Variants in RTTN observed in about 807,000 individuals in gnomAD.
RTTN encodes the protein rotatin.
In RTTN, 182 loss-of-function variants were observed where a neutral mutation model predicts 269.2. The observed-to-expected ratio is 0.68, with a 90% CI of 0.60 to 0.76. The LOEUF (loss-of-function observed/expected upper bound fraction) is 0.76, where lower values mean the gene tolerates loss of function less well. RTTN is among the 30% of genes least tolerant of loss of function. The pLI is 0.00. For missense variants in RTTN, 2,545 were observed against 2,608.6 expected (o/e 0.98, Z 0.53); for synonymous variants, 1,006 against 963.5 (o/e 1.04, Z -0.82).
intron 5 of RTTN, among the ~76,000 whole-genome samples, chr18:70,198,961 C>A (rs576727587): frequency 2.6e-5 from 4 of 151,970 alleles, no homozygotes; most frequent in Non-Finnish European, 5.9e-5. Flanking sequence ...CCAAGAGGGG[C>A]GGATCACTTG....
chr18:70,048,161 G>C lies in RTTN; in HGVS notation c.5351C>G (p.Ser1784Cys). The C allele has an allele frequency of 6.2e-7, 1 of 1,614,050 alleles. No individual in the cohort carries two copies. Among genetic ancestry groups the C allele is most frequent in the Non-Finnish European group, 8.5e-7 (1 of 1,179,946 alleles). The change falls in exon 40 of 49, where the codon TCT becomes TGT. Residue 1784 changes from serine to cysteine, a missense_variant. By Grantham distance (112) the Ser-to-Cys change is moderately radical. Transcript: ENST00000640769. ...AGTATACAGGGCAGGACACGTGGCA[G>C]ACAAGCCTGCACATGTGCAGAACAT... ...IDMFCTCAGLSATCPALYTAS... is the reference protein window; with the variant it reads ...IDMFCTCAGLCATCPALYTAS...
intron 14 of RTTN, among the ~76,000 whole-genome samples, chr18:70,153,237 T>G (rs1031071294): frequency 1.6e-5 from 2 of 128,902 alleles, no homozygotes; most frequent in Non-Finnish European, 3.1e-5. Context: ...TGTTGTAAAC[T>G]ATATATATAT....
Position 70,092,162 on chromosome 18 carries a change from G to C in RTTN, c.4091C>G (p.Thr1364Ser). 6.2e-7 allele frequency: 1 copy of C among 1,613,654 alleles called. No individual in the cohort carries two copies. Among genetic ancestry groups the C allele is most frequent in the Non-Finnish European group, 8.5e-7 (1 of 1,179,664 alleles). ...LGSHSEEHIP[T>S]QQGLAWLIPL... The stretch of plus-strand genomic sequence containing the variant: ...AATCAACCAAGCCAATCCTTGTTGA[G>C]TAGGAATATGTTCTTCACTATGACT... The change falls in exon 30 of 49, where the codon ACT becomes AGT. Residue 1364 changes from threonine to serine, a missense_variant. Thr to Ser is a moderately conservative substitution (Grantham distance 58). Coordinates refer to ENST00000640769, the MANE Select transcript of RTTN (RefSeq NM_173630.4).
rs371788455 is a variant in RTTN, at chr18:70,166,870, C to T, written c.1802+49G>A. The T allele has an allele frequency of 4.0e-5, 49 of 1,229,216 alleles. No homozygotes were observed. The African/African-American group carries it at 6.9e-4, about 17-fold the overall frequency. The allele number at this position is 1,229,216 out of a possible 1,614,324, so 76.1% of individuals were successfully genotyped here. A position where few individuals can be genotyped will look rare whatever the true frequency, so the allele number is the denominator to read the frequency against. ...TTCACTGTTTCTAAGTTTACACACACCCTAAGTGTCCAATAATAACGTAAT... is the reference window on the plus strand; with the variant it reads ...TTCACTGTTTCTAAGTTTACACACATCCTAAGTGTCCAATAATAACGTAAT... On this transcript the variant is annotated intron_variant, in intron 13 of 48. Transcript: ENST00000640769.
At chr18:70,097,089 A>G (rs552826083) in intron 28 of RTTN, among the ~76,000 whole-genome samples, 1 of 152,308 alleles carries the variant, frequency 6.6e-6, no homozygotes, top group East Asian at 1.9e-4. Flanking sequence ...ATTTTCTTTC[A>G]ACTTGATATT....
chr18:70,169,529 C>T (rs977720070), intron 11 of RTTN, among the ~76,000 whole-genome samples: 12 of 152,054 alleles, frequency 7.9e-5, no homozygotes, highest in Admixed American at 1.3e-4. Context: ...ATTAATAACA[C>T]GAAATCAAGT....
At chr18:70,200,084 A>C (rs1235702253) in intron 4 of RTTN, among the ~76,000 whole-genome samples, 1 of 152,252 alleles carries the variant, frequency 6.6e-6, no homozygotes, top group Non-Finnish European at 1.5e-5. Context: ...TTTTTAACAG[A>C]TCTTATATAG....
rs569621604 is a variant in RTTN, at chr18:70,113,866, A to G, written c.3683+579T>C. Among the ~76,000 whole-genome samples the G allele has an allele frequency of 6.6e-5, 10 of 152,280 alleles. No homozygotes were observed. In the South Asian group the frequency reaches 1.5e-3, roughly 22 times the overall value. ...AATCCACAGACATAGAAAGAAGACT[A>G]GTGGCTGCCAGGGCCCAGAGGAATG... On this transcript the variant is annotated intron_variant, in intron 27 of 48. Coordinates refer to ENST00000640769, the MANE Select transcript of RTTN (RefSeq NM_173630.4).
chr18:70,149,918 T>TCACAC, intron 16 of RTTN, 53 bp downstream of exon 16: 1 of 1,247,232 alleles, frequency 8.0e-7, no homozygotes, highest in South Asian at 1.2e-5. Context: ...TTTAAATCAA[T>TCACAC]CACACCCAGC....
intron 34 of RTTN, among the ~76,000 whole-genome samples, chr18:70,066,185 GTTCCCATAAGGCCAA>G (rs1222426016): frequency 6.6e-6 from 1 of 152,038 alleles, no homozygotes; most frequent in African/African-American, 2.4e-5. Flanking sequence ...GGAGTTTAAG[GTTCCCATAAGGCCAA>G]TTCCCTCATT....
intron 23 of RTTN, among the ~76,000 whole-genome samples, chr18:70,134,166 T>C (rs1175089157): frequency 1.3e-5 from 2 of 151,882 alleles, no homozygotes; most frequent in African/African-American, 2.4e-5. Context: ...AATAAAAATA[T>C]ATATTAGGAG....
chr18:70,109,737 A>G lies in RTTN; in HGVS notation c.3684-20T>C, dbSNP rs765657387. 4 of 1,598,854 alleles carry G rather than the reference A, an allele frequency of 2.5e-6. No individual in the cohort carries two copies. The highest frequency in any genetic ancestry group is 2.2e-5 in the East Asian group (1 of 44,780). ...CATTTCCTATGTATGCAAAAGAGGG[A>G]AAATCAACCACCAAGAAAGTATAAT... On this transcript the variant is annotated intron_variant, in intron 27 of 48. Transcript: ENST00000640769.
intron 19 of RTTN, among the ~76,000 whole-genome samples, chr18:70,142,071 A>G (rs1357203050): frequency 1.3e-5 from 2 of 152,222 alleles, no homozygotes; most frequent in African/African-American, 4.8e-5. Flanking sequence ...AGGCTTTGCT[A>G]GACACACACA....
intron 26 of RTTN, among the ~76,000 whole-genome samples, chr18:70,117,761 A>G (rs1001520015): frequency 6.6e-6 from 1 of 152,058 alleles, no homozygotes; most frequent in Non-Finnish European, 1.5e-5. Flanking sequence ...CAAATATAAC[A>G]AGACTGAAAT....
At chr18:70,031,499 T>C (rs11151556) in intron 40 of RTTN, 358,312 of 395,960 alleles carry the variant, frequency 0.9, 168,804 homozygotes, top group East Asian at 1. Flanking sequence ...AAAAATAGTG[T>C]GTAACTTTTT....
intron 28 of RTTN, among the ~76,000 whole-genome samples, chr18:70,101,415 T>G (rs2059161814): frequency 6.6e-6 from 1 of 152,232 alleles, no homozygotes; most frequent in African/African-American, 2.4e-5. Flanking sequence ...GTGGGATCGG[T>G]GTTGATATCC....
chr18:70,073,725 T>A (rs1017765066), intron 34 of RTTN, among the ~76,000 whole-genome samples, 181 bp downstream of exon 34: 1 of 152,176 alleles, frequency 6.6e-6, no homozygotes, highest in African/African-American at 2.4e-5. Context: ...AAGATAAGTA[T>A]CTATAATGTA....
At chr18:70,199,671 G>T (rs1268364786) in intron 4 of RTTN, among the ~76,000 whole-genome samples, 167 bp from the exon 5 acceptor site, 1 of 152,124 alleles carries the variant, frequency 6.6e-6, no homozygotes, top group Non-Finnish European at 1.5e-5. Flanking sequence ...TTCTATCACA[G>T]GATAAATAAG....
At chr18:70,136,383 T>C (rs926640124) in intron 21 of RTTN, among the ~76,000 whole-genome samples, 9 of 149,734 alleles carry the variant, frequency 6.0e-5, no homozygotes, top group Non-Finnish European at 1.3e-4. Context: ...TCTATATGTT[T>C]CCATAAAATA....
Sources: allele counts gnomAD v4.1 joint callset (sites outside exome capture counted in the v4.1 genomes callset), GRCh38; gene constraint gnomAD v4.1.1; transcripts MANE v1.5; gene names NCBI Gene and HGNC (gene_info 2026-07-23, HGNC 2026-07-21).